Variants in SLC2A9 observed in about 807,000 individuals in gnomAD.
SLC2A9 encodes solute carrier family 2 member 9, also known as solute carrier family 2, facilitated glucose transporter member 9.
SLC2A9 carries 39 observed loss-of-function variants against 50.6 expected under a neutral mutation model. The ratio of observed to expected loss-of-function variants is 0.77; its 90% CI spans 0.60 to 1.01. SLC2A9 has a LOEUF of 1.01. Ranked by LOEUF, SLC2A9 falls within the 50% of genes least tolerant of loss-of-function variation. The pLI is 0.00. For missense variants in SLC2A9, 686 were observed against 677.6 expected (o/e 1.01, Z -0.14); for synonymous variants, 324 against 276.9 (o/e 1.17, Z -1.69).
At position 9,835,001 on chromosome 4, in the gene SLC2A9, G is replaced by C. The variant is rs147534794; in HGVS notation, c.1299C>G (p.Ile433Met). ...IASFCSGPGG[I>M]PFILTGEFFQ... ...AGAACTCACCAGTCAAGATGAACGGGATGCCACCTGCAGTGTGTGAGCCAG... is the reference window on the plus strand; with the variant it reads ...AGAACTCACCAGTCAAGATGAACGGCATGCCACCTGCAGTGTGTGAGCCAG... The change falls in exon 11 of 12, where the codon ATC becomes ATG. Residue 433 changes from isoleucine (I) to methionine (M), a missense_variant. Transcript: ENST00000264784. 1 of 1,613,348 alleles carries C rather than the reference G, an allele frequency of 6.2e-7. No homozygotes were observed. Among genetic ancestry groups the C allele is most frequent in the Non-Finnish European group, 8.5e-7 (1 of 1,179,952 alleles).
intron 5 of SLC2A9, among the ~76,000 whole-genome samples, chr4:9,945,304 G>A (rs546037274): frequency 1.3e-5 from 2 of 152,336 alleles, no homozygotes; most frequent in East Asian, 1.9e-4. Flanking sequence ...GTGACAACAC[G>A]TATTCCTAGG....
At chr4:9,794,155 T>G (rs1421559303), downstream of SLC2A9, among the ~76,000 whole-genome samples, 4 of 151,626 alleles carry the variant, frequency 2.6e-5, no homozygotes, top group East Asian at 1.9e-4. Context: ...ATTCCTTTTT[T>G]TTGTGTGTGT....
chr4:9,863,391 TC>T (rs1206701359), intron 10 of SLC2A9, among the ~76,000 whole-genome samples: 10 of 152,006 alleles, frequency 6.6e-5, no homozygotes, highest in African/African-American at 2.2e-4. Flanking sequence ...AAGAAATCCT[TC>T]TGCTTCAGCC....
At chr4:9,904,883 T>A (rs891756497) in intron 8 of SLC2A9, among the ~76,000 whole-genome samples, 2 of 152,220 alleles carry the variant, frequency 1.3e-5, no homozygotes, top group African/African-American at 4.8e-5. Flanking sequence ...AATGGACTAT[T>A]CTGCATCCAT....
At chr4:9,947,913 C>T (rs576970968) in intron 5 of SLC2A9, among the ~76,000 whole-genome samples, 7 of 152,278 alleles carry the variant, frequency 4.6e-5, no homozygotes, top group Admixed American at 1.3e-4. Flanking sequence ...TGCTTCCCTG[C>T]GTGGTCCTGC....
chr4:10,008,900 G>GTTTTTTTTTTTTTTTTTTTTTTTT (rs1553911923), intron 2 of SLC2A9, among the ~76,000 whole-genome samples: 2 of 134,860 alleles, frequency 1.5e-5, no homozygotes. Flanking sequence ...CTGTGCGGTG[G>GTTTTTTTTTTTTTTTTTTTTTTTT]TTTTTTTTTT....
At chr4:9,976,708 T>C (rs1384963531) in intron 5 of SLC2A9, among the ~76,000 whole-genome samples, 4 of 152,228 alleles carry the variant, frequency 2.6e-5, no homozygotes, top group African/African-American at 9.6e-5. Flanking sequence ...AGCCAGAAGG[T>C]GGGCATGGGC....
At chr4:9,989,090 C>A (rs1156670161) in intron 3 of SLC2A9, among the ~76,000 whole-genome samples, 1 of 152,246 alleles carries the variant, frequency 6.6e-6, no homozygotes, top group African/African-American at 2.4e-5. Context: ...TGCCTTGTTT[C>A]CACATCCCTC....
chr4:9,923,240 G>A (rs1373035393), intron 6 of SLC2A9, among the ~76,000 whole-genome samples: 2 of 152,212 alleles, frequency 1.3e-5, no homozygotes, highest in South Asian at 2.1e-4. Context: ...AAAAGCAAGA[G>A]ACATTCTGTA....
chr4:9,858,031 C>G (rs1382948811), intron 10 of SLC2A9, among the ~76,000 whole-genome samples: 2 of 152,198 alleles, frequency 1.3e-5, no homozygotes, highest in African/African-American at 4.8e-5. Flanking sequence ...GTCAGCAAAT[C>G]AGAGCAGTTG....
At chr4:9,818,795 G>A (rs1261081655) in intron 3 of SLC2A9, among the ~76,000 whole-genome samples, 1 of 152,142 alleles carries the variant, frequency 6.6e-6, no homozygotes, top group East Asian at 1.9e-4. Context: ...TCTAGCCCTT[G>A]TGAGTGTGTG....
At chr4:9,952,805 G>A (rs1360372691) in intron 5 of SLC2A9, among the ~76,000 whole-genome samples, 1 of 152,304 alleles carries the variant, frequency 6.6e-6, no homozygotes, top group East Asian at 1.9e-4. Flanking sequence ...GATTACCGGC[G>A]TGAGTCAGGT....
chr4:10,036,623 T>C (rs1406013895), intron 1 of SLC2A9, among the ~76,000 whole-genome samples: 2 of 152,236 alleles, frequency 1.3e-5, no homozygotes, highest in Non-Finnish European at 1.5e-5. Context: ...CATTCTATCT[T>C]TTACTCGGCC....
chr4:9,977,258 C>T (rs1754955675), intron 5 of SLC2A9, among the ~76,000 whole-genome samples: 1 of 152,212 alleles, frequency 6.6e-6, no homozygotes, highest in African/African-American at 2.4e-5. Flanking sequence ...TAAGGCTAGA[C>T]CCAGCCCACA....
intron 10 of SLC2A9, among the ~76,000 whole-genome samples, chr4:9,861,024 C>T (rs566700025): frequency 1.3e-5 from 2 of 152,320 alleles, no homozygotes; most frequent in Non-Finnish European, 2.9e-5. Context: ...TTCTCCTCCT[C>T]ATTTTGCATG....
Position 9,826,477 on chromosome 4 carries a change from A to G in SLC2A9, c.1543T>C (p.Ser515Pro), listed in dbSNP as rs577047222. Residue 515 changes from serine to proline, a missense_variant, in exon 12 of 12, where the codon TCC (serine) becomes CCC (proline). By Grantham distance (74) the Ser-to-Pro change is moderately conservative. Transcript: ENST00000264784. ...GGTGGGTATGCTTTGTTCCTTTTGG[A>G]AAATGCCTGGCTGATTTCTGCATAG... ...RTYAEISQAF[S>P]KRNKAYPPEE... 13 of 1,613,638 alleles carry G rather than the reference A, an allele frequency of 8.1e-6. No individual in the cohort carries two copies. In the South Asian group the frequency reaches 1.3e-4, roughly 16 times the overall value.
intron 1 of SLC2A9, among the ~76,000 whole-genome samples, chr4:10,026,648 G>T (rs1160631747): frequency 6.6e-6 from 1 of 152,186 alleles, no homozygotes. Flanking sequence ...GCAAAATGTG[G>T]TCTATCCATA....
chr4:9,852,269 G>A (rs531317524), intron 10 of SLC2A9, among the ~76,000 whole-genome samples: 26 of 150,240 alleles, frequency 1.7e-4, no homozygotes, highest in East Asian at 9.7e-4. Flanking sequence ...TTTTTGAGAC[G>A]GAGTCTCGCT....
intron 7 of SLC2A9, among the ~76,000 whole-genome samples, chr4:9,915,163 GT>G (rs1460391218): frequency 5.9e-5 from 9 of 152,214 alleles, no homozygotes; most frequent in African/African-American, 1.9e-4. Flanking sequence ...AGCCTCCCTG[GT>G]GGTCTCAGTG....
Sources: gnomAD v4.1 joint callset for allele counts (sites outside exome capture counted in the v4.1 genomes callset) on GRCh38, gnomAD v4.1.1 for gene constraint, MANE v1.5 for transcripts, NCBI Gene and HGNC (gene_info 2026-07-23, HGNC 2026-07-21) for gene names.